Variants in ARHGEF12 observed in about 807,000 individuals in gnomAD.
ARHGEF12 encodes the protein Rho guanine nucleotide exchange factor 12.
In ARHGEF12, 66 loss-of-function variants were observed where a neutral mutation model predicts 211.2. The observed-to-expected ratio is 0.31, with a 90% CI of 0.26 to 0.38. ARHGEF12 has a LOEUF of 0.38. ARHGEF12 is among the 10% of genes least tolerant of loss of function. The pLI is 1.00. For missense variants in ARHGEF12, 1,429 were observed against 1,869.5 expected, an observed-to-expected ratio of 0.76 and a Z score of 4.34; for synonymous variants, 592 against 638.4, an observed-to-expected ratio of 0.93 and a Z score of 1.09.
At chr11:120,352,074 A>T (rs1054262849) in intron 1 of ARHGEF12, among the ~76,000 whole-genome samples, 1 of 152,218 alleles carries the variant, frequency 6.6e-6, no homozygotes, top group Non-Finnish European at 1.5e-5. Flanking sequence ...CTTCAACAAT[A>T]CCATTAAAGA....
chr11:120,473,168 AT>A, intron 31 of ARHGEF12, 41 bp downstream of exon 31: 1 of 1,582,420 alleles, frequency 6.3e-7, no homozygotes, highest in Non-Finnish European at 8.6e-7. Flanking sequence ...ATAAAATAAA[AT>A]TTGCTAAAGA....
rs767013424 is a variant in ARHGEF12, at chr11:120,475,335, T to G, written c.3110-5T>G. 31 of 1,612,896 alleles carry G rather than the reference T, an allele frequency of 1.9e-5. No homozygotes were observed. Among genetic ancestry groups the G allele is most frequent in the Non-Finnish European group, 2.6e-5 (31 of 1,179,264 alleles). On this transcript the variant is annotated splice_region_variant and splice_polypyrimidine_tract_variant and intron_variant, in intron 32 of 40. Coordinates refer to ENST00000397843, the MANE Select transcript of ARHGEF12 (RefSeq NM_015313.3). Reference sequence around the variant, plus strand: ...TACCATTTTTTTCTGCACTTTTATTTCTAGATTTATACACGTTGCTGCTGG... The same window carrying G: ...TACCATTTTTTTCTGCACTTTTATTGCTAGATTTATACACGTTGCTGCTGG...
At chr11:120,455,129 G>A (rs1471332253) in intron 22 of ARHGEF12, among the ~76,000 whole-genome samples, 2 of 152,128 alleles carry the variant, frequency 1.3e-5, no homozygotes, top group East Asian at 3.8e-4. Flanking sequence ...GAATTATATA[G>A]GGAACCACTA....
At chr11:120,387,367 G>C (rs1343418117) in intron 1 of ARHGEF12, among the ~76,000 whole-genome samples, 2 of 151,868 alleles carry the variant, frequency 1.3e-5, no homozygotes, top group African/African-American at 4.8e-5. Context: ...TATGTCACGA[G>C]GACCTAGACT....
chr11:120,399,875 A>G (rs1279415681), intron 1 of ARHGEF12, among the ~76,000 whole-genome samples: 1 of 152,040 alleles, frequency 6.6e-6, no homozygotes, highest in African/African-American at 2.4e-5. Flanking sequence ...CTTTTTTTAA[A>G]TCATAGAATG....
At position 120,436,887 on chromosome 11, in the gene ARHGEF12, A is replaced by G. The variant is rs12417273; in HGVS notation, c.925-421A>G. Among the ~76,000 whole-genome samples the G allele has an allele frequency of 0.012, 1,794 of 152,332 alleles. 104 individuals are homozygous for G. In the South Asian group the frequency reaches 0.16, roughly 14 times the overall value. The stretch of plus-strand genomic sequence containing the variant: ...ATCCACCTTTCACATGAAGCGAGTA[A>G]CAGAATAGTAGAAGCTTAATTGTAC... On this transcript the variant is annotated intron_variant, in intron 11 of 40. Coordinates refer to ENST00000397843, the MANE Select transcript of ARHGEF12 (RefSeq NM_015313.3).
intron 11 of ARHGEF12, 148 bp downstream of exon 11, chr11:120,432,059 C>A: frequency 1.4e-6 from 1 of 738,138 alleles, no homozygotes; most frequent in Non-Finnish European, 2.0e-6. Flanking sequence ...AAACAGAAAT[C>A]TGGTTACTGT....
At chr11:120,362,972 C>T (rs896482165) in intron 1 of ARHGEF12, among the ~76,000 whole-genome samples, 10 of 152,096 alleles carry the variant, frequency 6.6e-5, no homozygotes, top group African/African-American at 2.2e-4. Flanking sequence ...TGGTGGCAGG[C>T]GCCTGTAGTC....
rs747397790 is a variant in ARHGEF12, at chr11:120,407,641, T to G, written c.57-97T>G. The G allele has an allele frequency of 1.7e-4, 149 of 865,892 alleles. 1 individual carries two copies. Among genetic ancestry groups the G allele is most frequent in the Middle Eastern group, 1.1e-3 (4 of 3,528 alleles). 53.6% of individuals were successfully genotyped at this position (865,892 alleles called of 1,614,324 possible). A position where few individuals can be genotyped will look rare whatever the true frequency, so the allele number is the denominator to read the frequency against. On this transcript the variant is annotated intron_variant, in intron 2 of 40. Coordinates refer to ENST00000397843, the MANE Select transcript of ARHGEF12 (RefSeq NM_015313.3). ...TGGTGCTGTGTAAAGTAAACTGATT[T>G]CCTGGTTTTTCTTGTAAGATCCACT...
chr11:120,364,091 G>T (rs115945342), intron 1 of ARHGEF12, among the ~76,000 whole-genome samples: 2 of 152,158 alleles, frequency 1.3e-5, no homozygotes, highest in East Asian at 1.9e-4. Flanking sequence ...CTACAGGCTC[G>T]AGCCACTGTG....
intron 1 of ARHGEF12, among the ~76,000 whole-genome samples, chr11:120,369,579 G>T (rs756256317): frequency 7.2e-5 from 11 of 152,192 alleles, no homozygotes; most frequent in Non-Finnish European, 1.6e-4. Flanking sequence ...TCATTTTATA[G>T]ATACTAATCG....
intron 7 of ARHGEF12, among the ~76,000 whole-genome samples, chr11:120,427,208 GC>G (rs1445322250): frequency 6.6e-6 from 1 of 151,668 alleles, no homozygotes; most frequent in East Asian, 1.9e-4. Flanking sequence ...CTAGATTCCC[GC>G]CCCCCGCAAT....
chr11:120,374,477 T>A (rs1010383302), intron 1 of ARHGEF12, among the ~76,000 whole-genome samples: 2 of 152,232 alleles, frequency 1.3e-5, no homozygotes, highest in African/African-American at 4.8e-5. Context: ...CGACATTTGA[T>A]GAAAACAGCT....
chr11:120,410,056 C>G (rs919105894), intron 4 of ARHGEF12: 1 of 152,070 alleles, frequency 6.6e-6, no homozygotes, highest in African/African-American at 2.4e-5. Context: ...GAAGCTTAAT[C>G]GGAATGGGAA....
chr11:120,445,726 C>G (rs1470395280), intron 16 of ARHGEF12, among the ~76,000 whole-genome samples: 1 of 152,000 alleles, frequency 6.6e-6, no homozygotes, highest in East Asian at 1.9e-4. Context: ...TGGTGGAACC[C>G]TGTTTCTACT....
chr11:120,467,079 A>G (rs977000209), intron 28 of ARHGEF12, 115 bp from the exon 29 acceptor site: 1 of 632,694 alleles, frequency 1.6e-6, no homozygotes, highest in African/African-American at 1.9e-5. Flanking sequence ...GCATTTTTTA[A>G]AGATCTTGAT....
At chr11:120,409,530 T>C (rs1347698451) in intron 4 of ARHGEF12, 80 bp downstream of exon 4, 2 of 1,395,810 alleles carry the variant, frequency 1.4e-6, no homozygotes, top group Non-Finnish European at 2.0e-6. Context: ...TTTTCCTTTC[T>C]TTCTTTCTTT....
rs1416164192 is a variant in ARHGEF12 at position 120,336,795 on chromosome 11, TAGAG to T, written c.-446_-443del. 1.0e-5 allele frequency: 3 copies of T among 298,552 alleles called. No homozygotes were observed. Among genetic ancestry groups the T allele is most frequent in the Admixed American group, 5.1e-5 (1 of 19,578 alleles). 18.5% of individuals were successfully genotyped at this position (298,552 alleles called of 1,614,324 possible). A position where few individuals can be genotyped will look rare whatever the true frequency, so the allele number is the denominator to read the frequency against. ...GCCACGAGCAGCCGGCAGCCCCAGA[TAGAG>T]AGCCGGGAGGGAGGGCCCCGGCCCT... is the stretch of plus-strand genomic sequence containing the variant. On this transcript the variant is annotated 5_prime_UTR_variant, in exon 1 of 41. Transcript: ENST00000397843.
At chr11:120,403,413 A>G (rs1481297371) in intron 1 of ARHGEF12, among the ~76,000 whole-genome samples, 2 of 151,100 alleles carry the variant, frequency 1.3e-5, no homozygotes, top group Non-Finnish European at 2.9e-5. Flanking sequence ...AGGCTGAGGC[A>G]GGAGAAGTGT....
Sources: gnomAD v4.1 joint callset for allele counts (sites outside exome capture counted in the v4.1 genomes callset) on GRCh38, gnomAD v4.1.1 for gene constraint, MANE v1.5 for transcripts, NCBI Gene and HGNC (gene_info 2026-07-23, HGNC 2026-07-21) for gene names.